Variants in SPEF2 observed in about 807,000 individuals in gnomAD.
The protein encoded by SPEF2 is sperm flagellar and cilia associated 2, also known as sperm flagella and cilia-associated protein 2.
SPEF2 carries 187 observed loss-of-function variants against 224.6 expected under a neutral mutation model. The ratio of observed to expected loss-of-function variants is 0.83; its 90% CI spans 0.74 to 0.94. The LOEUF (loss-of-function observed/expected upper bound fraction) is 0.94, where lower values mean the gene tolerates loss of function less well. Ranked by LOEUF, SPEF2 falls within the 40% of genes least tolerant of loss-of-function variation. SPEF2 has a pLI of 0.00. For missense variants in SPEF2, 2,170 were observed against 2,135.6 expected, an observed-to-expected ratio of 1.02 and a Z score of -0.32; for synonymous variants, 715 against 707.3, an observed-to-expected ratio of 1.01 and a Z score of -0.17.
At chr5:35,689,074 T>A (rs2149526603) in intron 10 of SPEF2, among the ~76,000 whole-genome samples, 1 of 152,312 alleles carries the variant, frequency 6.6e-6, no homozygotes, top group South Asian at 2.1e-4. Context: ...AGAAGACTTT[T>A]AAACATTTAC....
chr5:35,676,295 TAC>T (rs1234916062), intron 10 of SPEF2, among the ~76,000 whole-genome samples: 12 of 128,146 alleles, frequency 9.4e-5, no homozygotes, highest in Non-Finnish European at 1.5e-4. Flanking sequence ...CTGGGCTTTC[TAC>T]TACTGAGTTT....
intron 30 of SPEF2, chr5:35,789,924 G>C (rs1441511366): frequency 2.8e-6 from 2 of 702,694 alleles, no homozygotes; most frequent in African/African-American, 3.5e-5. Flanking sequence ...ATTTATGCCA[G>C]GTAAGCAAGA....
intron 23 of SPEF2, among the ~76,000 whole-genome samples, chr5:35,751,013 G>GTATATATATACA (rs1554048611): frequency 5.5e-5 from 5 of 90,756 alleles, no homozygotes; most frequent in Non-Finnish European, 8.6e-5. Context: ...ATATATATAC[G>GTATATATATACA]TATATATATA....
intron 27 of SPEF2, among the ~76,000 whole-genome samples, chr5:35,773,676 G>A (rs903395004): frequency 6.6e-6 from 1 of 152,118 alleles, no homozygotes; most frequent in African/African-American, 2.4e-5. Flanking sequence ...CAAATGGGGC[G>A]TTTTTATATG....
intron 9 of SPEF2, 35 bp from the exon 10 acceptor site, chr5:35,670,024 C>A: frequency 1.3e-6 from 2 of 1,496,314 alleles, no homozygotes; most frequent in Admixed American, 2.1e-5. Context: ...TTTGACTAAC[C>A]ATTGATTCAT....
chr5:35,793,420 T>C, intron 32 of SPEF2, 79 bp downstream of exon 32: 2 of 1,454,412 alleles, frequency 1.4e-6, no homozygotes, highest in Non-Finnish European at 1.9e-6. Flanking sequence ...TGATGTTACA[T>C]TGACAGGTCT....
rs139542512 is a variant in SPEF2 at position 35,770,023 on chromosome 5, GCA to G, written c.3802-1585_3802-1584del. Among the ~76,000 whole-genome samples, 227 of 119,002 alleles carry G rather than the reference GCA, an allele frequency of 1.9e-3. 1 individual carries two copies. The highest frequency in any genetic ancestry group is 0.016 in the South Asian group (60 of 3,706). 78.1% of individuals were successfully genotyped at this position (119,002 alleles called of 152,430 possible). On this transcript the variant is annotated intron_variant, in intron 26 of 36. Transcript: ENST00000356031. Reference sequence around the variant, plus strand: ...TGTGTGTGTGTGTGTGTGTGTGTGTGCATGTGCGTGTGTGTGTGTGTGTGTGT... The same window carrying G: ...TGTGTGTGTGTGTGTGTGTGTGTGTGTGTGCGTGTGTGTGTGTGTGTGTGT...
intron 6 of SPEF2, among the ~76,000 whole-genome samples, chr5:35,651,030 G>A (rs1277477328): frequency 6.6e-6 from 1 of 152,234 alleles, no homozygotes; most frequent in Non-Finnish European, 1.5e-5. Context: ...ATACAAGATG[G>A]TTGCTGGGAC....
chr5:35,645,353 G>A (rs759143075), intron 4 of SPEF2, among the ~76,000 whole-genome samples: 10 of 152,174 alleles, frequency 6.6e-5, no homozygotes, highest in Admixed American at 3.9e-4. Context: ...CTTGGAAGCT[G>A]GTTAACATTG....
chr5:35,749,151 T>C (rs535806887), intron 23 of SPEF2, among the ~76,000 whole-genome samples: 2 of 152,256 alleles, frequency 1.3e-5, no homozygotes, highest in East Asian at 3.9e-4. Flanking sequence ...AAATCCAGCA[T>C]GGCTTTATGA....
chr5:35,655,279 A>C (rs551789005), intron 7 of SPEF2, among the ~76,000 whole-genome samples: 20 of 152,204 alleles, frequency 1.3e-4, no homozygotes, highest in Non-Finnish European at 2.5e-4. Context: ...CCGTGCTAAC[A>C]GGCTGTCTAG....
chr5:35,734,661 C>T (rs1042689290), intron 21 of SPEF2, among the ~76,000 whole-genome samples: 4 of 150,092 alleles, frequency 2.7e-5, no homozygotes, highest in Non-Finnish European at 4.4e-5. Context: ...CAAAGCAGCA[C>T]CTCTGTCACT....
At chr5:35,665,408 A>G (rs1750331446) in intron 8 of SPEF2, among the ~76,000 whole-genome samples, 1 of 145,778 alleles carries the variant, frequency 6.9e-6, no homozygotes, top group African/African-American at 2.5e-5. Context: ...AAGGAAGACT[A>G]GACAGCTGGA....
Position 35,680,538 on chromosome 5 carries a change from G to A in SPEF2, c.1524+10311G>A, listed in dbSNP as rs559975061. 7.2e-5 allele frequency among the ~76,000 whole-genome samples: 11 copies of A among 152,144 alleles called. No individual in the cohort carries two copies. In the East Asian group the frequency reaches 9.7e-4, roughly 13 times the overall value. The stretch of plus-strand genomic sequence containing the variant: ...CTGATTCAATAAATAGATATTTATC[G>A]AGTGCCTACTTCTACCAGCACTATT... On this transcript the variant is annotated intron_variant, in intron 10 of 36. Transcript: ENST00000356031.
At chr5:35,639,928 C>A (rs1161513334) in intron 2 of SPEF2, among the ~76,000 whole-genome samples, 1 of 152,032 alleles carries the variant, frequency 6.6e-6, no homozygotes, top group Non-Finnish European at 1.5e-5. Flanking sequence ...TCTACCCATG[C>A]TTTAACAAGA....
chr5:35,762,128 CATA>C lies in SPEF2; in HGVS notation c.3621-1388_3621-1386del, dbSNP rs1221793643. 5.3e-5 allele frequency among the ~76,000 whole-genome samples: 8 copies of C among 152,162 alleles called. 2 individuals are homozygous for C. Among genetic ancestry groups the C allele is most frequent in the East Asian group, 1.9e-4 (1 of 5,178 alleles). ...CTCTTAGTTAATAATGAATACTTAT[CATA>C]ATAATTATTATATTTGTATTATTCC... is the stretch of plus-strand genomic sequence containing the variant. On this transcript the variant is annotated intron_variant, in intron 25 of 36. Transcript: ENST00000356031.
intron 6 of SPEF2, among the ~76,000 whole-genome samples, chr5:35,654,179 G>A (rs1359636123): frequency 2.0e-5 from 3 of 151,488 alleles, no homozygotes; most frequent in Non-Finnish European, 4.4e-5. Flanking sequence ...AGAATCACTT[G>A]AACCCAGGAG....
chr5:35,640,329 G>A (rs1278343305), intron 2 of SPEF2, among the ~76,000 whole-genome samples: 6 of 152,124 alleles, frequency 3.9e-5, no homozygotes, highest in Non-Finnish European at 8.8e-5. Flanking sequence ...TATGTGTAGT[G>A]AGCAAAGCAC....
At chr5:35,732,081 A>G (rs1430145211) in intron 21 of SPEF2, among the ~76,000 whole-genome samples, 1 of 152,206 alleles carries the variant, frequency 6.6e-6, no homozygotes, top group Non-Finnish European at 1.5e-5. Context: ...GCACTTATAA[A>G]GATGATCATT....
Sources: allele counts gnomAD v4.1 joint callset (sites outside exome capture counted in the v4.1 genomes callset), GRCh38; gene constraint gnomAD v4.1.1; transcripts MANE v1.5; gene names NCBI Gene and HGNC (gene_info 2026-07-23, HGNC 2026-07-21).